DPH6: variants seen among roughly 807,000 people sequenced by gnomAD.
DPH6 encodes the protein diphthine--ammonia ligase.
A neutral mutation model predicts 38.2 loss-of-function variants in DPH6; 33 were observed. That is an observed-to-expected ratio of 0.86 (90% confidence interval 0.65 to 1.15). The LOEUF (loss-of-function observed/expected upper bound fraction) is 1.15, where lower values mean the gene tolerates loss of function less well. DPH6 is among the 50% of genes most tolerant of loss of function. The pLI is 0.00. For missense variants in DPH6, 325 were observed against 320.0 expected, an observed-to-expected ratio of 1.02 and a Z score of -0.12; for synonymous variants, 108 against 103.0, an observed-to-expected ratio of 1.05 and a Z score of -0.30.
intron 5 of DPH6, among the ~76,000 whole-genome samples, chr15:35,440,431 G>T (rs1449126485): frequency 1.3e-5 from 2 of 152,068 alleles, no homozygotes; most frequent in Non-Finnish European, 2.9e-5. Flanking sequence ...TTGCCTTCAG[G>T]CCATCGAACT....
chr15:35,506,229 A>C (rs1017392840), intron 3 of DPH6, among the ~76,000 whole-genome samples: 1 of 152,218 alleles, frequency 6.6e-6, no homozygotes, highest in Non-Finnish European at 1.5e-5. Flanking sequence ...AAAATAGATA[A>C]ACAAAAGCAA....
At chr15:35,367,895 T>G (rs2052674596), downstream of DPH6, among the ~76,000 whole-genome samples, 1 of 151,810 alleles carries the variant, frequency 6.6e-6, no homozygotes, top group Non-Finnish European at 1.5e-5. Flanking sequence ...AAATGGCATA[T>G]AATGTGAAAT....
chr15:35,449,861 TA>T (rs1257252118), intron 5 of DPH6, among the ~76,000 whole-genome samples: 1 of 152,094 alleles, frequency 6.6e-6, no homozygotes, highest in Non-Finnish European at 1.5e-5. Context: ...TAATTTTATT[TA>T]AAAACTGAAT....
In DPH6 at chr15:35,523,298, T is replaced by C. The variant is rs148059670; in HGVS notation, c.312+14976A>G. ...TACTTCTCTGTGAAATGCCTGTTCA[T>C]ATCCTTAGCCCATTATCTCTATTTG... On this transcript the variant is annotated intron_variant, in intron 3 of 8. Coordinates refer to ENST00000256538, the MANE Select transcript of DPH6 (RefSeq NM_080650.4). Among the ~76,000 whole-genome samples, 5 of 149,810 alleles carry C rather than the reference T, an allele frequency of 3.3e-5. No individual in the cohort carries two copies. The East Asian group carries it at 9.9e-4, about 30-fold the overall frequency.
chr15:35,481,510 G>A (rs374877690), intron 3 of DPH6, among the ~76,000 whole-genome samples: 5 of 152,206 alleles, frequency 3.3e-5, no homozygotes, highest in African/African-American at 1.2e-4. Flanking sequence ...AAAACAATGT[G>A]AGATATCTGT....
At chr15:35,503,904 A>G (rs993169452) in intron 3 of DPH6, among the ~76,000 whole-genome samples, 5 of 152,104 alleles carry the variant, frequency 3.3e-5, no homozygotes, top group Non-Finnish European at 7.4e-5. Context: ...CCAGAAAGCA[A>G]GTTATTTTCC....
chr15:35,402,921 AT>A (rs2053240183), intron 6 of DPH6, among the ~76,000 whole-genome samples: 1 of 152,092 alleles, frequency 6.6e-6, no homozygotes, highest in Admixed American at 6.6e-5. Context: ...TTCATTATGC[AT>A]ATATCATAAG....
chr15:35,281,872 C>T (rs1278236066), intron 3 of DPH6, among the ~76,000 whole-genome samples: 1 of 152,166 alleles, frequency 6.6e-6, no homozygotes, highest in African/African-American at 2.4e-5. Flanking sequence ...AAGACATCTT[C>T]CCCTGCAACA....
downstream of DPH6, among the ~76,000 whole-genome samples, chr15:35,327,308 T>C (rs1478931026): frequency 6.6e-6 from 1 of 151,858 alleles, no homozygotes; most frequent in Non-Finnish European, 1.5e-5. Context: ...GCTCCAAAAG[T>C]ACTGACTAAA....
intron 3 of DPH6, among the ~76,000 whole-genome samples, chr15:35,531,168 A>G (rs1465924746): frequency 5.9e-5 from 9 of 152,218 alleles, no homozygotes; most frequent in Admixed American, 5.9e-4. Flanking sequence ...TTTTTCCCTC[A>G]TGAAGTGAAG....
At chr15:35,461,572 C>T (rs1201230217) in intron 3 of DPH6, among the ~76,000 whole-genome samples, 2 of 150,148 alleles carry the variant, frequency 1.3e-5, no homozygotes. Context: ...GAAAGAAATT[C>T]TTAGTTGTGA....
At chr15:35,220,372 T>C (rs544291639) in exon 4 of DPH6, 1 of 152,292 alleles carries the variant, frequency 6.6e-6, no homozygotes, top group South Asian at 2.1e-4. Context: ...GCCTGTTTTA[T>C]GCTGCTGTAA....
chr15:35,361,523 T>C lies in DPH6; in HGVS notation n.207+11998A>G, dbSNP rs536815084. Among the ~76,000 whole-genome samples, 639 of 147,964 alleles carry C rather than the reference T, an allele frequency of 4.3e-3. 3 individuals carry two copies. Among genetic ancestry groups the C allele is most frequent in the African/African-American group, 0.015 (591 of 39,306 alleles). ...TTTAAATAACCTCTCTTTTTTTTTT[T>C]CCCTCTCTTATCCTTCTTGTACTCT... On this transcript the variant is annotated intron_variant and non_coding_transcript_variant, in intron 3 of 3. Transcript: ENST00000558973.
intron 3 of DPH6, among the ~76,000 whole-genome samples, chr15:35,502,298 G>A (rs1299238768): frequency 6.6e-6 from 1 of 151,732 alleles, no homozygotes; most frequent in Non-Finnish European, 1.5e-5. Context: ...CCTTTTATAA[G>A]TGTTAAAATT....
At chr15:35,454,899 G>A in intron 3 of DPH6, 79 bp from the exon 4 acceptor site, 1 of 1,063,674 alleles carries the variant, frequency 9.4e-7, no homozygotes, top group Non-Finnish European at 1.4e-6. Context: ...AATTATAAAT[G>A]AACTGTGTCT....
Position 35,534,279 on chromosome 15 carries a change from A to C in DPH6, c.312+3995T>G, listed in dbSNP as rs146756572. Among the ~76,000 whole-genome samples the C allele has an allele frequency of 1.7e-4, 25 of 150,816 alleles. 1 individual carries two copies. Among genetic ancestry groups the C allele is most frequent in the African/African-American group, 5.1e-4 (21 of 41,060 alleles). The stretch of plus-strand genomic sequence containing the variant: ...GTAATCCCAGCTACTCAGGAGGCTG[A>C]GGCAGGAGAATTGCTTGAACCCTGG... On this transcript the variant is annotated intron_variant, in intron 3 of 8. Transcript: ENST00000256538.
chr15:35,227,959 G>A lies in DPH6; in HGVS notation n.201-7377C>T, dbSNP rs532165773. Among the ~76,000 whole-genome samples the A allele has an allele frequency of 2.0e-5, 3 of 151,996 alleles. No homozygotes were observed. The East Asian group carries it at 5.8e-4, about 29-fold the overall frequency. On this transcript the variant is annotated intron_variant and non_coding_transcript_variant, in intron 3 of 3. Coordinates refer to the DPH6 transcript ENST00000560386. ...CAAAATTTCTCATTATTGACTTCTA[G>A]TTTTATTCCATTGTGGTCACAGAAG... is the stretch of plus-strand genomic sequence containing the variant.
At chr15:35,153,217 G>C in the DPH6 span, among the ~76,000 whole-genome samples, 3 of 152,118 alleles carry the variant, frequency 2.0e-5, no homozygotes, top group African/African-American at 7.2e-5. Flanking sequence ...TGCTGAGAAT[G>C]TATGGATCAC....
At chr15:35,327,859 G>A (rs2052297551), downstream of DPH6, among the ~76,000 whole-genome samples, 1 of 152,072 alleles carries the variant, frequency 6.6e-6, no homozygotes, top group Admixed American at 6.6e-5. Flanking sequence ...CCCCTCTCTA[G>A]TTTGACTCTC....
Sources: allele counts gnomAD v4.1 joint callset (sites outside exome capture counted in the v4.1 genomes callset), GRCh38; gene constraint gnomAD v4.1.1; transcripts MANE v1.5; gene names NCBI Gene and HGNC (gene_info 2026-07-23, HGNC 2026-07-21).